The following BMP8A variants were observed in gnomAD, a reference collection of about 807,000 sequenced individuals.
BMP8A encodes the protein BMP-8A.
In BMP8A, 14 loss-of-function variants were observed where a neutral mutation model predicts 36.8. The ratio of observed to expected loss-of-function variants is 0.38; its 90% CI spans 0.25 to 0.60. The LOEUF (loss-of-function observed/expected upper bound fraction) is 0.60, where lower values mean the gene tolerates loss of function less well. Among genes scored for constraint, BMP8A ranks in the 20% least tolerant of loss-of-function variants. BMP8A has a pLI of 0.63. For synonymous variants in BMP8A, 120 were observed against 237.7 expected (o/e 0.50, Z 4.55); for missense variants, 267 against 551.1 (o/e 0.48, Z 5.16).
Position 39,526,121 on chromosome 1 carries a change from G to A in BMP8A, c.*323G>A, listed in dbSNP as rs1645481054. Among the ~76,000 whole-genome samples the A allele has an allele frequency of 6.6e-6, 1 of 152,158 alleles. No homozygotes were observed. Among genetic ancestry groups the A allele is most frequent in the South Asian group, 2.1e-4 (1 of 4,826 alleles). On this transcript the variant is annotated 3_prime_UTR_variant, in exon 7 of 7. Transcript: ENST00000331593. ...CTGTGGCTGGCCCCGGATGGTCTGA[G>A]GTTGGCTGACCCGAGCTTTTCTCCA...
At chr1:39,506,269 G>A (rs1645300568) in intron 1 of BMP8A, among the ~76,000 whole-genome samples, 1 of 152,010 alleles carries the variant, frequency 6.6e-6, no homozygotes, top group African/African-American at 2.4e-5. Context: ...TAGTGCAGTG[G>A]CGCAATCTTG....
intron 1 of BMP8A, among the ~76,000 whole-genome samples, chr1:39,501,348 T>C (rs1442823943): frequency 6.6e-6 from 1 of 152,226 alleles, no homozygotes; most frequent in African/African-American, 2.4e-5. Context: ...GTATATTATC[T>C]GTACTGTTCA....
rs1389417889 is a variant in BMP8A at position 39,492,276 on chromosome 1, G to A, written c.285G>A (p.Ala95=). 1.9e-6 allele frequency: 3 copies of A among 1,561,218 alleles called. No homozygotes were observed. The highest frequency in any genetic ancestry group is 1.8e-5 in the Admixed American group (1 of 55,924). ...AGDDDEDGAP[A]EQRLGRADLV... ...ACGACGACGAGGACGGCGCGCCCGC[G>A]GAGCAGCGCCTGGGCCGCGCCGACC... The change falls in exon 1 of 7, where the codon GCG becomes GCA. Residue 95 remains alanine (A), a synonymous_variant. Transcript: ENST00000331593.
intron 3 of BMP8A, chr1:39,515,867 G>C: frequency 6.3e-7 from 1 of 1,577,802 alleles, no homozygotes; most frequent in Middle Eastern, 1.7e-4. Context: ...TCTGGAATTT[G>C]AGGACGGCAT....
At position 39,527,635 on chromosome 1, in the gene BMP8A, CAT is replaced by C. The variant is rs764963342; in HGVS notation, c.*1838_*1839del. On this transcript the variant is annotated 3_prime_UTR_variant, in exon 7 of 7. Transcript: ENST00000331593. ...GCAAGCGCAGAGGAAGAGACCCTCTCATGTACATAAAGGGTGGGCCCAGGCTG... is the reference window on the plus strand; with the variant it reads ...GCAAGCGCAGAGGAAGAGACCCTCTCGTACATAAAGGGTGGGCCCAGGCTG... Among the ~76,000 whole-genome samples the C allele has an allele frequency of 8.5e-5, 13 of 152,314 alleles. No homozygotes were observed. In the East Asian group the frequency reaches 2.1e-3, roughly 25 times the overall value.
At chr1:39,523,198 G>T in intron 6 of BMP8A, 81 bp downstream of exon 6, 1 of 1,485,226 alleles carries the variant, frequency 6.7e-7, no homozygotes, top group Non-Finnish European at 9.3e-7. Flanking sequence ...AGCCGGGAGG[G>T]CAGTGAGGCC....
In BMP8A at chr1:39,525,901, G is replaced by C; in HGVS notation, c.*103G>C. ...TGTCACAGCTCAAGCAGGAGTGTCA[G>C]GGGCCCTCACTCTCGGTGCCTACTT... is the stretch of plus-strand genomic sequence containing the variant. On this transcript the variant is annotated 3_prime_UTR_variant, in exon 7 of 7. Transcript: ENST00000331593. 6.4e-7 allele frequency: 1 copy of C among 1,553,198 alleles called. No homozygotes were observed.
In BMP8A at chr1:39,515,649, G is replaced by A; in HGVS notation, c.673+3745G>A. On this transcript the variant is annotated intron_variant, in intron 3 of 6. Coordinates refer to ENST00000331593, the MANE Select transcript of BMP8A (RefSeq NM_181809.4). Reference sequence around the variant, plus strand: ...CAGGAGAAGCGCCCGCAATTTCAACGTGCCCATGTGCAAAGCTGCAGACGT... The same window carrying A: ...CAGGAGAAGCGCCCGCAATTTCAACATGCCCATGTGCAAAGCTGCAGACGT... The A allele has an allele frequency of 2.5e-6, 4 of 1,572,836 alleles. 1 individual carries two copies. The highest frequency in any genetic ancestry group is 3.5e-6 in the Non-Finnish European group (4 of 1,149,044).
chr1:39,522,946 T>G, intron 5 of BMP8A, 61 bp from the exon 6 acceptor site: 1 of 1,452,604 alleles, frequency 6.9e-7, no homozygotes, highest in Non-Finnish European at 9.4e-7. Context: ...AGGATGGGTT[T>G]GGGCCCTGAG....
intron 1 of BMP8A, among the ~76,000 whole-genome samples, chr1:39,495,028 T>TGGTG (rs1645193136): frequency 4.2e-5 from 1 of 24,030 alleles, no homozygotes; most frequent in Non-Finnish European, 9.3e-5. Flanking sequence ...GCGGGGTGGG[T>TGGTG]GGGGGGTGGA....
chr1:39,499,625 C>T (rs892550277), intron 1 of BMP8A, among the ~76,000 whole-genome samples: 4 of 152,340 alleles, frequency 2.6e-5, no homozygotes, highest in African/African-American at 9.6e-5. Flanking sequence ...AAGGCCACCT[C>T]CTGCCCACAG....
rs1249609531 is a variant in BMP8A, at chr1:39,492,873, G to C, written c.334+548G>C. ...GGAGCAGACTCAGCTCGCTGGGGCA[G>C]GGACTGTGGCCTTGTCACCCTGGGC... On this transcript the variant is annotated intron_variant, in intron 1 of 6. Coordinates refer to ENST00000331593, the MANE Select transcript of BMP8A (RefSeq NM_181809.4). Among the ~76,000 whole-genome samples the C allele has an allele frequency of 3.3e-5, 5 of 152,306 alleles. No homozygotes were observed. The South Asian group carries it at 1.0e-3, about 32-fold the overall frequency.
chr1:39,503,075 G>A (rs1476297372), intron 1 of BMP8A, among the ~76,000 whole-genome samples: 1 of 152,068 alleles, frequency 6.6e-6, no homozygotes, highest in Non-Finnish European at 1.5e-5. Context: ...ATAAATAACT[G>A]TAGAAGAAAG....
chr1:39,499,496 G>A (rs1645235048), intron 1 of BMP8A, among the ~76,000 whole-genome samples: 1 of 152,254 alleles, frequency 6.6e-6, no homozygotes, highest in South Asian at 2.1e-4. Context: ...GGTTGTCTGA[G>A]TGAGACTAAA....
chr1:39,504,073 G>C (rs1047951484), intron 1 of BMP8A, among the ~76,000 whole-genome samples: 3 of 152,236 alleles, frequency 2.0e-5, no homozygotes, highest in Admixed American at 6.5e-5. Flanking sequence ...CACGCCACTA[G>C]TAATAAGATA....
At chr1:39,522,631 A>G (rs1464359657) in intron 5 of BMP8A, 149 bp downstream of exon 5, 4 of 1,254,446 alleles carry the variant, frequency 3.2e-6, no homozygotes, top group Non-Finnish European at 3.3e-6. Context: ...AAGTGAGAAT[A>G]TGGTGAGAAA....
chr1:39,528,623 T>G lies in BMP8A; in HGVS notation c.*2825T>G, dbSNP rs1354779851. Among the ~76,000 whole-genome samples, 1 of 152,108 alleles carries G rather than the reference T, an allele frequency of 6.6e-6. No homozygotes were observed. The highest frequency in any genetic ancestry group is 1.5e-5 in the Non-Finnish European group (1 of 68,020). ...GCGCTTTAGAGAAATTCCCTATTAT[T>G]TCACAGGAAAGGAGGCTGTGAAAAG... On this transcript the variant is annotated 3_prime_UTR_variant, in exon 7 of 7. Transcript: ENST00000331593.
rs1168373340 is a variant in BMP8A at position 39,528,224 on chromosome 1, G to A, written c.*2426G>A. Among the ~76,000 whole-genome samples, 1 of 152,146 alleles carries A rather than the reference G, an allele frequency of 6.6e-6. No homozygotes were observed. Among genetic ancestry groups the A allele is most frequent in the Non-Finnish European group, 1.5e-5 (1 of 68,038 alleles). On this transcript the variant is annotated 3_prime_UTR_variant, in exon 7 of 7. Transcript: ENST00000331593. The stretch of plus-strand genomic sequence containing the variant: ...AAAGTGTGACAGTCGTGGCCTTCCT[G>A]GTGGCCAGACTTCTAGCAACTTTAG...
intron 1 of BMP8A, among the ~76,000 whole-genome samples, chr1:39,498,206 C>A (rs1158680838): frequency 3.3e-5 from 5 of 152,192 alleles, no homozygotes; most frequent in Non-Finnish European, 7.3e-5. Context: ...AGAATATGCC[C>A]ACCCCCTGCC....
Sources: gnomAD v4.1 joint callset for allele counts (sites outside exome capture counted in the v4.1 genomes callset) on GRCh38, gnomAD v4.1.1 for gene constraint, MANE v1.5 for transcripts, NCBI Gene and HGNC (gene_info 2026-07-23, HGNC 2026-07-21) for gene names.